Variants in LILRB1 observed in about 807,000 individuals in gnomAD.
LILRB1 encodes the protein leukocyte immunoglobulin like receptor B1.
A neutral mutation model predicts 74.6 loss-of-function variants in LILRB1; 59 were observed. The observed-to-expected ratio is 0.79, with a 90% CI of 0.64 to 0.98. The LOEUF (loss-of-function observed/expected upper bound fraction) is 0.98, where lower values mean the gene tolerates loss of function less well. Ranked by LOEUF, LILRB1 falls within the 50% of genes least tolerant of loss-of-function variation. The pLI, the probability that LILRB1 is intolerant of heterozygous loss-of-function variation, is 0.00. For missense variants in LILRB1, 804 were observed against 822.6 expected, an observed-to-expected ratio of 0.98 and a Z score of 0.28; for synonymous variants, 328 against 333.9, an observed-to-expected ratio of 0.98 and a Z score of 0.19.
intron 1 of LILRB1, among the ~76,000 whole-genome samples, chr19:54,623,274 CTG>C (rs1361599293): frequency 2.6e-5 from 4 of 152,198 alleles, no homozygotes; most frequent in African/African-American, 7.2e-5. Flanking sequence ...CAAATTTCGA[CTG>C]TGAATCCATC....
chr19:54,621,238 G>A (rs1433427809), intron 1 of LILRB1, among the ~76,000 whole-genome samples: 1 of 132,382 alleles, frequency 7.6e-6, no homozygotes, highest in Admixed American at 7.6e-5. Context: ...ATTGCTAAGT[G>A]AAATGGTAGT....
In LILRB1 at chr19:54,632,513, C is replaced by G. The variant is rs748587327; in HGVS notation, c.711C>G (p.Ala237=). The change falls in exon 6 of 15, where the codon GCC becomes GCG. Residue 237 remains alanine, a synonymous_variant. Transcript: ENST00000324602. ...CAGTGCAGCCAGGTCCTATCGTGGC[C>G]CCTGAGGAGACCCTGACTCTGCAGT... ...SLSVQPGPIV[A]PEETLTLQCG... 18 of 1,613,900 alleles carry G rather than the reference C, an allele frequency of 1.1e-5. No homozygotes were observed. The highest frequency in any genetic ancestry group is 1.5e-5 in the Non-Finnish European group (18 of 1,179,964).
upstream of LILRB1, among the ~76,000 whole-genome samples, chr19:54,626,952 G>A (rs781768429): frequency 1.6e-4 from 24 of 152,310 alleles, no homozygotes; most frequent in African/African-American, 3.6e-4. Flanking sequence ...GTGATAAAGC[G>A]CATCTGTGTC....
chr19:54,633,089 G>A lies in LILRB1; in HGVS notation c.1032G>A (p.Leu344=). ...TGGCCTCAGGAGAGAACGTGACCCT[G>A]CTGTGTCAGTCACAGGGATGGATGC... ...PTVASGENVT[L]LCQSQGWMQT... is the part of the protein sequence containing the mutation. The change falls in exon 7 of 15, where the codon CTG becomes CTA. Residue 344 remains leucine, a synonymous_variant. Coordinates refer to ENST00000324602, the MANE Select transcript of LILRB1 (RefSeq NM_001081637.3). 1.2e-6 allele frequency: 2 copies of A among 1,614,270 alleles called. No homozygotes were observed. Among genetic ancestry groups the A allele is most frequent in the Non-Finnish European group, 1.7e-6 (2 of 1,180,038 alleles).
At chr19:54,635,983 AC>A in intron 13 of LILRB1, 1 of 563,770 alleles carries the variant, frequency 1.8e-6, no homozygotes. Flanking sequence ...AGCTGCAGAC[AC>A]AGCAGGGAGG....
upstream of LILRB1, among the ~76,000 whole-genome samples, chr19:54,628,678 C>T (rs1311488701): frequency 6.6e-6 from 1 of 152,086 alleles, no homozygotes; most frequent in South Asian, 2.1e-4. Context: ...CCAGGAGTCT[C>T]CACATGCTCA....
intron 1 of LILRB1, among the ~76,000 whole-genome samples, chr19:54,623,203 C>A (rs776876027): frequency 2.0e-5 from 3 of 152,110 alleles, no homozygotes; most frequent in Non-Finnish European, 4.4e-5. Flanking sequence ...AGAATCCCAT[C>A]GCCTTGATTT....
In LILRB1 at chr19:54,631,576, T is replaced by C. The variant is rs766121371; in HGVS notation, c.147T>C (p.Cys49=). 1.2e-6 allele frequency: 2 copies of C among 1,614,198 alleles called. No homozygotes were observed. Among genetic ancestry groups the C allele is most frequent in the South Asian group, 2.2e-5 (2 of 91,088 alleles). The change falls in exon 4 of 15, where the codon TGT becomes TGC. Residue 49 remains cysteine, a synonymous_variant. Transcript: ENST00000324602. ...ITQGSPVTLR[C]QGGQETQEYR... is the part of the protein sequence containing the mutation. The stretch of plus-strand genomic sequence containing the variant: ...AGGGGAGTCCTGTGACCCTCAGGTG[T>C]CAGGGGGGCCAGGAGACCCAGGAGT...
In LILRB1 at chr19:54,617,958, C is replaced by T. The variant is rs113135659; in HGVS notation, c.-166+609C>T. Among the ~76,000 whole-genome samples the T allele has an allele frequency of 5.2e-3, 783 of 151,642 alleles. 5 individuals are homozygous for T. Among genetic ancestry groups the T allele is most frequent in the South Asian group, 0.015 (70 of 4,778 alleles). On this transcript the variant is annotated intron_variant, in intron 1 of 15. Coordinates refer to the LILRB1 transcript ENST00000396331. ...CTCTACTAAAAATGCAAAACTTAGC[C>T]AGGCAGTAGTGGCACACTCGTAATC...
chr19:54,634,825 G>A (rs1182075956), intron 10 of LILRB1, 62 bp downstream of exon 10: 1 of 1,587,258 alleles, frequency 6.3e-7, no homozygotes, highest in East Asian at 2.2e-5. Context: ...CACAGCCAAA[G>A]AGAATCCAAA....
Position 54,632,166 on chromosome 19 carries a change from G to T in LILRB1, c.590G>T (p.Cys197Phe). ...CCGAGTCGCAGGTGGTGGTACAGGT[G>T]CTATGCTTATGACTCGAACTCTCCC... ...VSPSRRWWYR[C>F]YAYDSNSPYE... is the part of the protein sequence containing the mutation. Residue 197 changes from cysteine (C) to phenylalanine (F), a missense_variant, in exon 5 of 15, where the codon TGC becomes TTC. Transcript: ENST00000324602. The T allele has an allele frequency of 6.2e-7, 1 of 1,614,192 alleles. No homozygotes were observed.
chr19:54,632,680 G>T lies in LILRB1; in HGVS notation c.878G>T (p.Gly293Val), dbSNP rs758277771. 2.5e-5 allele frequency: 41 copies of T among 1,613,332 alleles called. No homozygotes were observed. Among genetic ancestry groups the T allele is most frequent in the Non-Finnish European group, 3.1e-5 (36 of 1,180,022 alleles). The change falls in exon 6 of 15, where the codon GGC becomes GTC. Residue 293 changes from glycine to valine, a missense_variant. Gly to Val is a moderately radical substitution (Grantham distance 109). Transcript: ENST00000324602. ...GGCCCTGTGAGCCGCTCCTACGGGG[G>T]CCAGTACAGATGCTACGGTGCACAC... ...TLGPVSRSYG[G>V]QYRCYGAHNL... is the part of the protein sequence containing the mutation.
chr19:54,634,095 T>G (rs2098952), intron 9 of LILRB1, 74 bp downstream of exon 9: 172,630 of 1,535,300 alleles, frequency 0.11, 11,364 homozygotes, highest in African/African-American at 0.24. Flanking sequence ...CTAGGTTCAG[T>G]CTCCTCTGGA....
upstream of LILRB1, among the ~76,000 whole-genome samples, chr19:54,616,612 TC>T (rs377692507): frequency 2.6e-3 from 393 of 152,260 alleles, 3 homozygotes; most frequent in Middle Eastern, 0.01. Flanking sequence ...TTTATTCTGA[TC>T]TACTATTTCT....
At position 54,625,084 on chromosome 19, in the gene LILRB1, G is replaced by A. The variant is rs374456080; in HGVS notation, c.-165-5433G>A. Among the ~76,000 whole-genome samples, 1,061 of 135,976 alleles carry A rather than the reference G, an allele frequency of 7.8e-3. 27 individuals are homozygous for A. Among genetic ancestry groups the A allele is most frequent in the African/African-American group, 0.026 (1,012 of 38,798 alleles). The allele number at this position is 135,976 out of a possible 152,430, so 89.2% of individuals were successfully genotyped here. On this transcript the variant is annotated intron_variant, in intron 1 of 15. Coordinates refer to the LILRB1 transcript ENST00000396331. Reference sequence around the variant, plus strand: ...CCAGGCCTCCCCACACCCTCCCTGGGCCTGGGGCAGCAGGGACAGAGGCAG... The same window carrying A: ...CCAGGCCTCCCCACACCCTCCCTGGACCTGGGGCAGCAGGGACAGAGGCAG...
intron 1 of LILRB1, among the ~76,000 whole-genome samples, chr19:54,619,122 G>A (rs1210921988): frequency 6.6e-6 from 1 of 151,880 alleles, no homozygotes; most frequent in African/African-American, 2.4e-5. Context: ...AATGGAAACA[G>A]GAAATAAGAG....
In LILRB1 at chr19:54,633,700, A is replaced by C; in HGVS notation, c.1312+12A>C. ...CACCTCCACATCTGGTGAGTCCCTG[A>C]GGCTTCTGAACTCAAGGGAGTGCGG... On this transcript the variant is annotated intron_variant, in intron 8 of 14. Transcript: ENST00000324602. 1 of 1,612,914 alleles carries C rather than the reference A, an allele frequency of 6.2e-7. No individual in the cohort carries two copies. Among genetic ancestry groups the C allele is most frequent in the Non-Finnish European group, 8.5e-7 (1 of 1,179,442 alleles).
At chr19:54,635,422 C>T in intron 12 of LILRB1, 126 bp downstream of exon 12, 7 of 1,508,406 alleles carry the variant, frequency 4.6e-6, no homozygotes, top group Non-Finnish European at 3.6e-6. Flanking sequence ...TCACCCCACA[C>T]TGTGGGGCCT....
At chr19:54,628,601 G>A (rs2063661461), upstream of LILRB1, among the ~76,000 whole-genome samples, 1 of 152,080 alleles carries the variant, frequency 6.6e-6, no homozygotes. Flanking sequence ...CACAGATGAA[G>A]AGACTCATAG....
Sources: gnomAD v4.1 joint callset for allele counts (sites outside exome capture counted in the v4.1 genomes callset) on GRCh38, gnomAD v4.1.1 for gene constraint, MANE v1.5 for transcripts, NCBI Gene and HGNC (gene_info 2026-07-23, HGNC 2026-07-21) for gene names.